CLASP1: variants seen among roughly 807,000 people sequenced by gnomAD.
CLASP1 encodes CLIP-associating protein 1.
In CLASP1, 38 loss-of-function variants were observed where a neutral mutation model predicts 192.3. That is an observed-to-expected ratio of 0.20 (90% CI 0.15 to 0.26). The LOEUF (loss-of-function observed/expected upper bound fraction) is 0.26. CLASP1 is among the 10% of genes least tolerant of loss of function. The pLI, the probability that CLASP1 is intolerant of heterozygous loss-of-function variation, is 1.00. For synonymous variants in CLASP1, 691 were observed against 712.8 expected (o/e 0.97, Z 0.49); for missense variants, 1,433 against 1,932.5 (o/e 0.74, Z 4.85).
chr2:121,375,733 T>G (rs1330439218), intron 34 of CLASP1, among the ~76,000 whole-genome samples: 2 of 152,000 alleles, frequency 1.3e-5, no homozygotes, highest in Non-Finnish European at 2.9e-5. Flanking sequence ...TAGCCACGGG[T>G]CTCCTGGATG....
chr2:121,558,955 T>C (rs945110804), intron 2 of CLASP1, among the ~76,000 whole-genome samples: 1 of 152,216 alleles, frequency 6.6e-6, no homozygotes, highest in Non-Finnish European at 1.5e-5. Flanking sequence ...AAGAATATTT[T>C]ATGAACAATC....
intron 8 of CLASP1, among the ~76,000 whole-genome samples, chr2:121,485,430 T>C (rs900939239): frequency 2.0e-5 from 3 of 152,168 alleles, no homozygotes; most frequent in Non-Finnish European, 4.4e-5. Context: ...GATAACTGAA[T>C]ATAGTAAGCC....
chr2:121,624,197 T>A (rs2106144733), intron 1 of CLASP1, among the ~76,000 whole-genome samples: 1 of 152,304 alleles, frequency 6.6e-6, no homozygotes, highest in South Asian at 2.1e-4. Flanking sequence ...AGTGTATTCT[T>A]CTTTCATTAG....
At chr2:121,403,803 G>A (rs377335650) in intron 26 of CLASP1, 13 of 465,110 alleles carry the variant, frequency 2.8e-5, no homozygotes, top group African/African-American at 2.6e-4. Context: ...GCATTCCTTG[G>A]GCTTAGTGTT....
At chr2:121,588,418 G>C (rs2061984590) in intron 2 of CLASP1, among the ~76,000 whole-genome samples, 1 of 152,098 alleles carries the variant, frequency 6.6e-6, no homozygotes, top group South Asian at 2.1e-4. Flanking sequence ...ACAAAATTTA[G>C]TATAATCACT....
chr2:121,604,629 C>T (rs1391495991), intron 2 of CLASP1, among the ~76,000 whole-genome samples: 1 of 152,164 alleles, frequency 6.6e-6, no homozygotes, highest in African/African-American at 2.4e-5. Flanking sequence ...GATAGTGCCA[C>T]TGCACTCCAG....
intron 36 of CLASP1, chr2:121,364,161 A>C (rs768294571): frequency 3.3e-5 from 5 of 152,216 alleles, no homozygotes; most frequent in Admixed American, 6.6e-5. Context: ...CATTAATCCA[A>C]AGCATCAGAA....
intron 7 of CLASP1, among the ~76,000 whole-genome samples, chr2:121,506,574 C>T (rs1306154099): frequency 6.6e-6 from 1 of 152,122 alleles, no homozygotes; most frequent in East Asian, 1.9e-4. Context: ...TCCTGGGAAC[C>T]TGGGAGGTCA....
intron 2 of CLASP1, among the ~76,000 whole-genome samples, chr2:121,582,780 TCTTC>T (rs1191937067): frequency 5.3e-5 from 8 of 149,758 alleles, no homozygotes; most frequent in South Asian, 2.1e-4. Flanking sequence ...TTTCTTTCTT[TCTTC>T]CTTTTTTTTT....
intron 2 of CLASP1, among the ~76,000 whole-genome samples, chr2:121,578,904 T>G (rs2060839841): frequency 6.6e-6 from 1 of 152,152 alleles, no homozygotes; most frequent in Non-Finnish European, 1.5e-5. Flanking sequence ...TTATACACTT[T>G]CCCTCTTCCT....
chr2:121,406,337 T>C (rs1344198034), intron 25 of CLASP1, among the ~76,000 whole-genome samples: 1 of 152,120 alleles, frequency 6.6e-6, no homozygotes, highest in Non-Finnish European at 1.5e-5. Context: ...TATTTTGGAG[T>C]GCTCCATTTT....
At chr2:121,640,868 C>A (rs1457981249) in intron 1 of CLASP1, among the ~76,000 whole-genome samples, 1 of 152,212 alleles carries the variant, frequency 6.6e-6, no homozygotes, top group Non-Finnish European at 1.5e-5. Flanking sequence ...AAGTATACCT[C>A]TAGCACCCAT....
At chr2:121,418,524 C>A in intron 23 of CLASP1, 98 bp downstream of exon 23, 1 of 805,062 alleles carries the variant, frequency 1.2e-6, no homozygotes, top group South Asian at 1.5e-5. Flanking sequence ...ATCACAAGGA[C>A]AGTAGAGGAG....
intron 7 of CLASP1, chr2:121,513,139 C>T (rs896806284): frequency 6.6e-6 from 1 of 152,184 alleles, no homozygotes. Flanking sequence ...GTAACTGGAG[C>T]CTCTGCCCCT....
At chr2:121,544,863 G>T (rs962576313) in intron 2 of CLASP1, among the ~76,000 whole-genome samples, 2 of 151,962 alleles carry the variant, frequency 1.3e-5, no homozygotes, top group East Asian at 3.9e-4. Flanking sequence ...CAGAATGATG[G>T]CAGGGCACCT....
chr2:121,365,609 C>T (rs1019870093), intron 35 of CLASP1, among the ~76,000 whole-genome samples: 3 of 152,142 alleles, frequency 2.0e-5, no homozygotes, highest in Non-Finnish European at 4.4e-5. Context: ...CGCCAAAGCC[C>T]CTCCTCAACC....
At chr2:121,456,521 AAAAAGGAAAG>A (rs1445033083) in intron 14 of CLASP1, among the ~76,000 whole-genome samples, 2 of 151,540 alleles carry the variant, frequency 1.3e-5, no homozygotes, top group African/African-American at 2.4e-5. Context: ...GAAGGAAAGG[AAAAAGGAAAG>A]AAAAGGAAAA....
chr2:121,594,511 G>C (rs549418461), intron 2 of CLASP1, among the ~76,000 whole-genome samples: 1 of 151,010 alleles, frequency 6.6e-6, no homozygotes, highest in South Asian at 2.1e-4. Context: ...TCCTGCCTCA[G>C]CCTCCCGAGT....
chr2:121,530,754 T>C, intron 2 of CLASP1: 2 of 527,580 alleles, frequency 3.8e-6, no homozygotes. Context: ...TGGGGTGTCG[T>C]CGAAAGCTGT....
Sources: allele counts gnomAD v4.1 joint callset (sites outside exome capture counted in the v4.1 genomes callset), GRCh38; gene constraint gnomAD v4.1.1; transcripts MANE v1.5; gene names NCBI Gene and HGNC (gene_info 2026-07-23, HGNC 2026-07-21).